OGDH: variants seen among roughly 807,000 people sequenced by gnomAD.
OGDH encodes oxoglutarate dehydrogenase, also known as 2-oxoglutarate dehydrogenase complex component E1.
Under a neutral mutation model 116.6 loss-of-function variants are expected in OGDH, and 38 were observed. That is an observed-to-expected ratio of 0.33 (90% CI 0.25 to 0.43). The LOEUF (loss-of-function observed/expected upper bound fraction) is 0.43, where lower values mean the gene tolerates loss of function less well. OGDH is among the 20% of genes least tolerant of loss of function. The pLI is 1.00. For missense variants in OGDH, 825 were observed against 1,357.2 expected (o/e 0.61, Z 6.16); for synonymous variants, 488 against 533.3 (o/e 0.92, Z 1.17).
At chr7:44,621,433 A>G (rs1785004874) in intron 1 of OGDH, among the ~76,000 whole-genome samples, 2 of 152,194 alleles carry the variant, frequency 1.3e-5, no homozygotes, top group African/African-American at 4.8e-5. Flanking sequence ...GGTATTTACC[A>G]GAATTAGAAA....
intron 2 of OGDH, among the ~76,000 whole-genome samples, chr7:44,627,869 G>T (rs1430666031): frequency 6.6e-6 from 1 of 152,058 alleles, no homozygotes; most frequent in African/African-American, 2.4e-5. Flanking sequence ...TAGAGACGGG[G>T]TTTCACCATG....
intron 1 of OGDH, among the ~76,000 whole-genome samples, chr7:44,607,001 C>G (rs890622579): frequency 6.6e-6 from 1 of 152,140 alleles, no homozygotes. Context: ...GAGGGCGGTG[C>G]GTCCGCAGGG....
At chr7:44,703,507 G>A (rs754222023) in intron 20 of OGDH, among the ~76,000 whole-genome samples, 2 of 152,018 alleles carry the variant, frequency 1.3e-5, no homozygotes, top group Non-Finnish European at 2.9e-5. Context: ...ATCACTTGAG[G>A]TCACGAATTT....
rs1355172767 is a variant in OGDH at position 44,675,158 on chromosome 7, T to A, written c.936-20T>A. On this transcript the variant is annotated intron_variant, in intron 7 of 22. Coordinates refer to ENST00000222673, the MANE Select transcript of OGDH (RefSeq NM_002541.4). ...CCATGACCTCAGGCTCTGCTCACCCTACTCGCCCATACGTTCCAGAGGGCG... is the reference window on the plus strand; with the variant it reads ...CCATGACCTCAGGCTCTGCTCACCCAACTCGCCCATACGTTCCAGAGGGCG... The A allele has an allele frequency of 6.2e-7, 1 of 1,605,894 alleles. No homozygotes were observed. The highest frequency in any genetic ancestry group is 1.3e-5 in the African/African-American group (1 of 74,766).
intron 10 of OGDH, among the ~76,000 whole-genome samples, chr7:44,692,363 T>C (rs1051030829): frequency 1.3e-5 from 2 of 152,220 alleles, no homozygotes; most frequent in African/African-American, 4.8e-5. Context: ...TGTTTCAACC[T>C]GGGTGTATCA....
intron 1 of OGDH, among the ~76,000 whole-genome samples, chr7:44,607,333 A>G (rs1001271027): frequency 8.5e-5 from 13 of 152,270 alleles, no homozygotes; most frequent in East Asian, 7.7e-4. Context: ...TATATCAGAC[A>G]TTGGATATGA....
chr7:44,618,122 C>A (rs1468544145), intron 1 of OGDH, among the ~76,000 whole-genome samples: 1 of 151,982 alleles, frequency 6.6e-6, no homozygotes, highest in Non-Finnish European at 1.5e-5. Flanking sequence ...CTTATTTTTC[C>A]CAAATGTATG....
chr7:44,642,291 G>A (rs2115738444), intron 2 of OGDH, among the ~76,000 whole-genome samples: 1 of 152,304 alleles, frequency 6.6e-6, no homozygotes, highest in East Asian at 1.9e-4. Context: ...ATGCGTGGTG[G>A]TGCGTGCCTG....
rs1787201540 is a variant in OGDH at position 44,666,742 on chromosome 7, A to G, written c.524A>G (p.Tyr175Cys). The change falls in exon 5 of 23, where the codon TAT becomes TGT. Residue 175 changes from tyrosine to cysteine, a missense_variant. By Grantham distance (194) the Tyr-to-Cys change is radical. Coordinates refer to ENST00000222673, the MANE Select transcript of OGDH (RefSeq NM_002541.4). Reference sequence around the variant, plus strand: ...TGCCCACATCGCCCTGCAGGGTTCTATGGCCTGGATGAGTCTGACCTCGAC... The same window carrying G: ...TGCCCACATCGCCCTGCAGGGTTCTGTGGCCTGGATGAGTCTGACCTCGAC... The part of the protein sequence containing the change: ...IISSTDKLGF[Y>C]GLDESDLDKV... 1 of 1,606,642 alleles carries G rather than the reference A, an allele frequency of 6.2e-7. No individual in the cohort carries two copies. The highest frequency in any genetic ancestry group is 1.7e-5 in the Admixed American group (1 of 59,264).
At chr7:44,685,035 T>C (rs113491849) in intron 10 of OGDH, among the ~76,000 whole-genome samples, 38,419 of 152,048 alleles carry the variant, frequency 0.25, 7,781 homozygotes, top group African/African-American at 0.55. Context: ...ATCCGCCTGC[T>C]TCAGCCTCCT....
At chr7:44,632,147 A>G (rs190619779) in intron 2 of OGDH, among the ~76,000 whole-genome samples, 1 of 152,168 alleles carries the variant, frequency 6.6e-6, no homozygotes, top group Non-Finnish European at 1.5e-5. Context: ...ACCCCTCAGC[A>G]GGTAGAAGGA....
intron 2 of OGDH, among the ~76,000 whole-genome samples, chr7:44,635,703 T>C (rs1240408945): frequency 6.6e-6 from 1 of 151,844 alleles, no homozygotes; most frequent in Non-Finnish European, 1.5e-5. Context: ...GCAAGGACTT[T>C]ATAATTTTTT....
chr7:44,680,347 C>T (rs1787876126), intron 9 of OGDH, among the ~76,000 whole-genome samples: 1 of 152,052 alleles, frequency 6.6e-6, no homozygotes, highest in South Asian at 2.1e-4. Context: ...GCTGTGTATC[C>T]AAGGAGTAGA....
Position 44,694,408 on chromosome 7 carries a change from T to C in OGDH, c.1516-16T>C. The C allele has an allele frequency of 6.2e-7, 1 of 1,613,356 alleles. No individual in the cohort carries two copies. The highest frequency in any genetic ancestry group is 8.5e-7 in the Non-Finnish European group (1 of 1,179,828). On this transcript the variant is annotated splice_polypyrimidine_tract_variant and intron_variant, in intron 11 of 22. Transcript: ENST00000222673. This position sits in a 1 kb window ranked among gnomAD's most constrained non-coding sequence, Gnocchi z 4.2. ...GCCAGCCCTTGTCTCTGACATCCTC[T>C]CACTGCTCTGAGCAGGTGTGTTACC...
In OGDH at chr7:44,638,697, A is replaced by T. The variant is rs188524886; in HGVS notation, c.223-6630A>T. On this transcript the variant is annotated intron_variant, in intron 2 of 22. Coordinates refer to ENST00000222673, the MANE Select transcript of OGDH (RefSeq NM_002541.4). ...TTTTTCTCACTCAGTAAGAGAGCTG[A>T]GGTCGCCTGACTCAGCTCAGGTTCT... Among the ~76,000 whole-genome samples, 394 of 152,344 alleles carry T rather than the reference A, an allele frequency of 2.6e-3. 8 individuals are homozygous for T. The highest frequency in any genetic ancestry group is 7.1e-4 in the Non-Finnish European group (48 of 68,026).
chr7:44,650,070 G>A (rs1341486009), intron 4 of OGDH, among the ~76,000 whole-genome samples: 1 of 133,652 alleles, frequency 7.5e-6, no homozygotes, highest in African/African-American at 2.5e-5. Context: ...AGAGAGTCAG[G>A]GAGTAGTCTC....
Position 44,645,479 on chromosome 7 carries a change from G to C in OGDH, c.375G>C (p.Glu125Asp). 1 of 1,614,154 alleles carries C rather than the reference G, an allele frequency of 6.2e-7. No individual in the cohort carries two copies. Among genetic ancestry groups the C allele is most frequent in the Non-Finnish European group, 8.5e-7 (1 of 1,180,032 alleles). The change falls in exon 3 of 23, where the codon GAG (glutamate) becomes GAC (aspartate). Residue 125 changes from glutamate to aspartate, a missense_variant. By Grantham distance (45) the Glu-to-Asp change is conservative. Transcript: ENST00000222673. The part of the protein sequence containing the change: ...EAQPNVDKLV[E>D]DHLAVQSLIR... ...AGCCCAACGTGGACAAGCTCGTGGA[G>C]GACCACCTGGCAGTGCAGTCGCTCA...
intron 2 of OGDH, among the ~76,000 whole-genome samples, chr7:44,627,639 C>G (rs1785259556): frequency 6.6e-6 from 1 of 152,068 alleles, no homozygotes; most frequent in Non-Finnish European, 1.5e-5. Context: ...CTCTCCTGCC[C>G]TTTGGCACTA....
At chr7:44,680,372 A>G (rs903350179) in intron 9 of OGDH, among the ~76,000 whole-genome samples, 1 of 152,182 alleles carries the variant, frequency 6.6e-6, no homozygotes, top group Non-Finnish European at 1.5e-5. Context: ...GTGGGCTTAC[A>G]TGATTGTGGC....
Sources: gnomAD v4.1 joint callset for allele counts (sites outside exome capture counted in the v4.1 genomes callset) on GRCh38, gnomAD v4.1.1 for gene constraint, Gnocchi (gnomAD v3.1) non-coding constraint, MANE v1.5 for transcripts, NCBI Gene and HGNC (gene_info 2026-07-23, HGNC 2026-07-21) for gene names.